The following CNTNAP2 variants were observed in gnomAD, a reference collection of about 807,000 sequenced individuals.
The protein encoded by CNTNAP2 is contactin-associated protein-like 2.
Under a neutral mutation model 155.2 loss-of-function variants are expected in CNTNAP2, and 98 were observed. The observed-to-expected ratio is 0.63, with a 90% CI of 0.54 to 0.75. The LOEUF is 0.75. Ranked by LOEUF, CNTNAP2 falls within the 30% of genes least tolerant of loss-of-function variation. CNTNAP2 has a pLI of 0.00. For synonymous variants in CNTNAP2, 651 were observed against 631.2 expected (o/e 1.03, Z -0.47); for missense variants, 1,727 against 1,688.1 (o/e 1.02, Z -0.40).
At position 146,344,222 on chromosome 7, in the gene CNTNAP2, A is replaced by G. The variant is rs563753579; in HGVS notation, c.97+227249A>G. 5.7e-3 allele frequency among the ~76,000 whole-genome samples: 874 copies of G among 152,298 alleles called. 11 individuals carry two copies. The highest frequency in any genetic ancestry group is 0.02 in the African/African-American group (836 of 41,576). ...ACCAAATCAGCATAGCCAGAGACCA[A>G]ACAGTGAGCTCTAAACTATCTTTAC... is the stretch of plus-strand genomic sequence containing the variant. On this transcript the variant is annotated intron_variant, in intron 1 of 23. Transcript: ENST00000361727.
chr7:147,564,496 T>A (rs1000571674), intron 12 of CNTNAP2, among the ~76,000 whole-genome samples: 3 of 152,170 alleles, frequency 2.0e-5, no homozygotes, highest in African/African-American at 7.2e-5. Context: ...TATGAAAATA[T>A]ATAATACAAT....
At chr7:147,586,523 G>GAAGAGGGAGGGAGGA (rs772731379) in intron 12 of CNTNAP2, among the ~76,000 whole-genome samples, 24 of 42,034 alleles carry the variant, frequency 5.7e-4, no homozygotes, top group African/African-American at 3.5e-3. Context: ...AGAGAGAGAA[G>GAAGAGGGAGGGAGGA]AGGAAGGAAG....
At chr7:147,411,152 C>T (rs1332225229) in intron 10 of CNTNAP2, among the ~76,000 whole-genome samples, 1 of 152,156 alleles carries the variant, frequency 6.6e-6, no homozygotes, top group Admixed American at 6.5e-5. Flanking sequence ...GCAATACCAT[C>T]TCCAGAGAAT....
rs189924052 is a variant in CNTNAP2, at chr7:148,152,080, T to G, written c.2773+4371T>G. On this transcript the variant is annotated intron_variant, in intron 17 of 23. Coordinates refer to ENST00000361727, the MANE Select transcript of CNTNAP2 (RefSeq NM_014141.6). ...ACACAGAGCTCTACAGAAGGCCACC[T>G]TCCACCCACTAACCTGTGTTAATGT... Among the ~76,000 whole-genome samples the G allele has an allele frequency of 1.2e-3, 187 of 152,302 alleles. 1 individual carries two copies. The highest frequency in any genetic ancestry group is 4.4e-3 in the African/African-American group (182 of 41,556).
At chr7:147,153,558 A>C (rs533227737) in intron 8 of CNTNAP2, among the ~76,000 whole-genome samples, 77 of 152,282 alleles carry the variant, frequency 5.1e-4, no homozygotes, top group African/African-American at 1.9e-3. Context: ...GAAAAGCCAA[A>C]GCTAAGGCCC....
chr7:148,228,783 G>A (rs1032366138), intron 19 of CNTNAP2, among the ~76,000 whole-genome samples: 3 of 141,014 alleles, frequency 2.1e-5, no homozygotes. Context: ...AGCCGAGATC[G>A]CGCCACTGCA....
rs182306555 is a variant in CNTNAP2 at position 146,433,742 on chromosome 7, A to C, written c.97+316769A>C. On this transcript the variant is annotated intron_variant, in intron 1 of 23. Transcript: ENST00000361727. Reference sequence around the variant, plus strand: ...GTGTCGTACAGACAACTGTGAAAACATGGAGAGCAGAGTCTTGTGTCTTAA... The same window carrying C: ...GTGTCGTACAGACAACTGTGAAAACCTGGAGAGCAGAGTCTTGTGTCTTAA... Among the ~76,000 whole-genome samples the C allele has an allele frequency of 2.4e-3, 360 of 152,262 alleles. 3 individuals carry two copies. Among genetic ancestry groups the C allele is most frequent in the African/African-American group, 8.3e-3 (347 of 41,562 alleles).
At chr7:146,720,310 T>C (rs1801263457) in intron 1 of CNTNAP2, among the ~76,000 whole-genome samples, 1 of 152,144 alleles carries the variant, frequency 6.6e-6, no homozygotes, top group East Asian at 1.9e-4. Context: ...ACCTCTTTAC[T>C]GGCTCACTTT....
chr7:147,481,408 C>A (rs555488200), intron 10 of CNTNAP2, among the ~76,000 whole-genome samples: 1 of 152,260 alleles, frequency 6.6e-6, no homozygotes, highest in South Asian at 2.1e-4. Context: ...CAATTAAAAT[C>A]AAGTTCAGAA....
intron 14 of CNTNAP2, among the ~76,000 whole-genome samples, chr7:147,954,946 A>G (rs779711735): frequency 5.3e-5 from 8 of 152,232 alleles, no homozygotes; most frequent in Non-Finnish European, 7.3e-5. Flanking sequence ...CACCTTATCC[A>G]GTCTCCAACG....
intron 3 of CNTNAP2, among the ~76,000 whole-genome samples, chr7:146,945,504 G>A (rs1797148419): frequency 6.6e-6 from 1 of 152,176 alleles, no homozygotes; most frequent in African/African-American, 2.4e-5. Flanking sequence ...AGGAGAAGGG[G>A]AGGAGGAAAA....
chr7:146,323,442 A>G (rs1302693101), intron 1 of CNTNAP2, among the ~76,000 whole-genome samples: 1 of 152,118 alleles, frequency 6.6e-6, no homozygotes, highest in Non-Finnish European at 1.5e-5. Flanking sequence ...ACTGATTTTG[A>G]CAGAGACCAA....
intron 10 of CNTNAP2, among the ~76,000 whole-genome samples, chr7:147,479,162 A>G (rs568400891): frequency 1.2e-4 from 18 of 152,332 alleles, no homozygotes; most frequent in African/African-American, 4.1e-4. Flanking sequence ...CTCCACGTAG[A>G]AGGGGATTCC....
At chr7:147,572,511 A>G (rs895898909) in intron 12 of CNTNAP2, among the ~76,000 whole-genome samples, 1 of 152,144 alleles carries the variant, frequency 6.6e-6, no homozygotes, top group East Asian at 1.9e-4. Flanking sequence ...CTGACAAAAC[A>G]ATATCTTATA....
intron 13 of CNTNAP2, among the ~76,000 whole-genome samples, chr7:147,729,600 A>G (rs1563067918): frequency 6.6e-6 from 1 of 152,214 alleles, no homozygotes; most frequent in East Asian, 1.9e-4. Context: ...AAGAAAAAGA[A>G]AAACTGTGTG....
chr7:147,594,321 C>T (rs1056151980), intron 12 of CNTNAP2, among the ~76,000 whole-genome samples: 2 of 152,010 alleles, frequency 1.3e-5, no homozygotes, highest in African/African-American at 4.8e-5. Flanking sequence ...TGATCTTCTG[C>T]TTCGGGCTGT....
At chr7:147,102,291 A>AAAAAAAAAG (rs1179295868) in intron 4 of CNTNAP2, among the ~76,000 whole-genome samples, 2 of 151,556 alleles carry the variant, frequency 1.3e-5, no homozygotes, top group African/African-American at 4.8e-5. Context: ...AGAAAAAAAA[A>AAAAAAAAAG]AAAAAAGAAG....
intron 18 of CNTNAP2, among the ~76,000 whole-genome samples, chr7:148,198,979 G>T (rs1795324411): frequency 6.6e-6 from 1 of 151,706 alleles, no homozygotes; most frequent in African/African-American, 2.4e-5. Context: ...AAGAAAATAG[G>T]GTGAGAGAAA....
intron 13 of CNTNAP2, among the ~76,000 whole-genome samples, chr7:147,801,071 T>G (rs921381910): frequency 6.6e-6 from 1 of 152,148 alleles, no homozygotes; most frequent in Admixed American, 6.5e-5. Flanking sequence ...ACAAAGTGAC[T>G]CTACTGGAAA....
Sources: gnomAD v4.1 joint callset for allele counts (sites outside exome capture counted in the v4.1 genomes callset) on GRCh38, gnomAD v4.1.1 for gene constraint, MANE v1.5 for transcripts, NCBI Gene and HGNC (gene_info 2026-07-23, HGNC 2026-07-21) for gene names.